The following AGBL3 variants were observed in gnomAD, a reference collection of about 807,000 sequenced individuals.
AGBL3 encodes the protein cytosolic carboxypeptidase 3.
A neutral mutation model predicts 94.5 loss-of-function variants in AGBL3; 68 were observed. The ratio of observed to expected loss-of-function variants is 0.72; its 90% CI spans 0.59 to 0.88. The LOEUF is 0.88. Ranked by LOEUF, AGBL3 falls within the 40% of genes least tolerant of loss-of-function variation. The probability of loss-of-function intolerance (pLI) is 0.00; values close to 1 mark genes in which losing one functional copy is unlikely to be tolerated. For missense variants in AGBL3, 934 were observed against 1,103.8 expected, an observed-to-expected ratio of 0.85 and a Z score of 2.18; for synonymous variants, 354 against 370.7, an observed-to-expected ratio of 0.95 and a Z score of 0.52.
intron 5 of AGBL3, among the ~76,000 whole-genome samples, chr7:135,018,927 C>A (rs541381812): frequency 3.9e-5 from 6 of 152,168 alleles, no homozygotes; most frequent in East Asian, 3.9e-4. Context: ...ATCTGTGTAA[C>A]CAACACTCCT....
intron 13 of AGBL3, among the ~76,000 whole-genome samples, chr7:135,077,052 G>A (rs905638597): frequency 7.2e-5 from 11 of 152,110 alleles, no homozygotes; most frequent in Admixed American, 4.6e-4. Context: ...ACCCCCACCC[G>A]ACTCTGCAGC....
intron 4 of AGBL3, among the ~76,000 whole-genome samples, chr7:134,997,330 A>G (rs1164070772): frequency 6.6e-6 from 1 of 152,170 alleles, no homozygotes; most frequent in Non-Finnish European, 1.5e-5. Flanking sequence ...GTACTGGTCC[A>G]TGGCCTCAGG....
chr7:135,089,695 A>G (rs1254458602), intron 15 of AGBL3, among the ~76,000 whole-genome samples: 1 of 152,208 alleles, frequency 6.6e-6, no homozygotes, highest in Non-Finnish European at 1.5e-5. Flanking sequence ...AAGGTTGTTC[A>G]TCTCTTCACT....
At chr7:135,077,180 T>A (rs1820533145) in intron 13 of AGBL3, among the ~76,000 whole-genome samples, 1 of 147,224 alleles carries the variant, frequency 6.8e-6, no homozygotes, top group African/African-American at 2.5e-5. Context: ...TTCTTCCCCC[T>A]GCTGTCTGTT....
intron 4 of AGBL3, 96 bp from the exon 5 acceptor site, chr7:135,016,956 C>A (rs1813874149): frequency 2.5e-6 from 2 of 800,010 alleles, no homozygotes; most frequent in Non-Finnish European, 4.2e-6. Flanking sequence ...TACATTTTAG[C>A]CTAGATCTAT....
Position 134,988,015 on chromosome 7 carries a change from T to C in AGBL3, c.63+19T>C, listed in dbSNP as rs1158347070. The C allele has an allele frequency of 3.8e-5, 57 of 1,510,738 alleles. No homozygotes were observed. The highest frequency in any genetic ancestry group is 5.0e-5 in the Non-Finnish European group (56 of 1,120,046). The allele number at this position is 1,510,738 out of a possible 1,614,324, so 93.6% of individuals were successfully genotyped here. On this transcript the variant is annotated intron_variant, in intron 2 of 16. Transcript: ENST00000436302. The stretch of plus-strand genomic sequence containing the variant: ...TGAATCGGTATGTTTTTCTCAACTT[T>C]ATTTTACTTGGAGATAAAATTTGTA...
At chr7:135,052,625 C>G (rs1481153584) in intron 11 of AGBL3, among the ~76,000 whole-genome samples, 1 of 152,000 alleles carries the variant, frequency 6.6e-6, no homozygotes, top group Non-Finnish European at 1.5e-5. Context: ...ATCTTTACAT[C>G]CATGTGTACC....
intron 16 of AGBL3, among the ~76,000 whole-genome samples, chr7:135,121,914 G>T (rs576762191): frequency 8.5e-5 from 13 of 152,194 alleles, no homozygotes; most frequent in Non-Finnish European, 1.8e-4. Flanking sequence ...TAGATTGGAA[G>T]ATCCCACTCA....
chr7:135,030,924 G>A (rs1815671721), intron 5 of AGBL3, among the ~76,000 whole-genome samples: 1 of 152,104 alleles, frequency 6.6e-6, no homozygotes, highest in Non-Finnish European at 1.5e-5. Flanking sequence ...TATGAATATA[G>A]TGTGGAATAA....
At chr7:135,013,271 G>C (rs1424806056) in intron 4 of AGBL3, among the ~76,000 whole-genome samples, 2 of 152,154 alleles carry the variant, frequency 1.3e-5, no homozygotes, top group Non-Finnish European at 2.9e-5. Flanking sequence ...ATATTAGAAA[G>C]TAGAGCAACT....
At chr7:135,017,336 G>A (rs1813916919) in intron 5 of AGBL3, 177 bp downstream of exon 5, 1 of 570,058 alleles carries the variant, frequency 1.8e-6, no homozygotes, top group Non-Finnish European at 3.1e-6. Context: ...TATTTTTGAA[G>A]GTGTATTGCA....
intron 15 of AGBL3, among the ~76,000 whole-genome samples, chr7:135,112,934 G>A (rs1825844862): frequency 3.3e-5 from 5 of 152,056 alleles, no homozygotes; most frequent in Admixed American, 2.6e-4. Context: ...TCGCCACCAT[G>A]CCGACTTAAT....
chr7:135,095,058 C>G (rs972062322), intron 15 of AGBL3, among the ~76,000 whole-genome samples: 2 of 152,160 alleles, frequency 1.3e-5, no homozygotes, highest in African/African-American at 2.4e-5. Flanking sequence ...TAGAGTCACT[C>G]ATGTTAAGCC....
At chr7:135,132,612 G>T (rs1049578689) in intron 16 of AGBL3, among the ~76,000 whole-genome samples, 1 of 152,164 alleles carries the variant, frequency 6.6e-6, no homozygotes, top group African/African-American at 2.4e-5. Flanking sequence ...TCAAGGCAGG[G>T]TCAGGTGGAG....
chr7:135,043,490 G>A (rs1391510368), intron 8 of AGBL3, among the ~76,000 whole-genome samples: 1 of 152,048 alleles, frequency 6.6e-6, no homozygotes, highest in African/African-American at 2.4e-5. Flanking sequence ...GATGGTTAAT[G>A]GGTACAAAAA....
chr7:135,118,274 G>A (rs1826611174), intron 16 of AGBL3, among the ~76,000 whole-genome samples: 1 of 152,098 alleles, frequency 6.6e-6, no homozygotes, highest in Non-Finnish European at 1.5e-5. Context: ...TCCTCATTGA[G>A]TGCATTTCTA....
At chr7:135,043,893 T>A in intron 8 of AGBL3, 132 bp from the exon 9 acceptor site, 1 of 1,180,826 alleles carries the variant, frequency 8.5e-7, no homozygotes, top group South Asian at 1.9e-5. Flanking sequence ...GGTCAGGAAA[T>A]AAAAAGTAGC....
rs1398582344 is a variant in AGBL3 at position 135,021,493 on chromosome 7, C to T, written c.418+4334C>T. ...ATTTTTAGTAGAGACGGGGTTTCAC[C>T]GTGTTAGCCAGGATGGTCTCGATCT... On this transcript the variant is annotated intron_variant, in intron 5 of 16. Transcript: ENST00000436302. 4.0e-5 allele frequency among the ~76,000 whole-genome samples: 6 copies of T among 151,778 alleles called. No homozygotes were observed. In the South Asian group the frequency reaches 8.3e-4, roughly 21 times the overall value.
rs113963136 is a variant in AGBL3 at position 135,022,769 on chromosome 7, T to C, written c.418+5610T>C. Among the ~76,000 whole-genome samples the C allele has an allele frequency of 1.3e-3, 199 of 152,298 alleles. 4 individuals are homozygous for C. The highest frequency in any genetic ancestry group is 4.6e-3 in the African/African-American group (193 of 41,588). ...GTTCTTAATGGTATTGCCTAGGTTT[T>C]CTTCTAGAGTTTTTATGGTTGGATT... is the stretch of plus-strand genomic sequence containing the variant. On this transcript the variant is annotated intron_variant, in intron 5 of 16. Transcript: ENST00000436302.
Sources: allele counts gnomAD v4.1 joint callset (sites outside exome capture counted in the v4.1 genomes callset), GRCh38; gene constraint gnomAD v4.1.1; transcripts MANE v1.5; gene names NCBI Gene and HGNC (gene_info 2026-07-23, HGNC 2026-07-21).